The following STK40 variants were observed in gnomAD, a reference collection of about 807,000 sequenced individuals.
The protein encoded by STK40 is serine/threonine-protein kinase 40.
Under a neutral mutation model 47.9 loss-of-function variants are expected in STK40, and 13 were observed. The ratio of observed to expected loss-of-function variants is 0.27; its 90% CI spans 0.18 to 0.43. STK40 has a LOEUF of 0.43. Ranked by LOEUF, STK40 falls within the 20% of genes least tolerant of loss-of-function variation. The pLI is 1.00. For missense variants in STK40, 460 were observed against 595.1 expected (o/e 0.77, Z 2.36); for synonymous variants, 225 against 243.2 (o/e 0.93, Z 0.69).
chr1:36,373,135 G>A (rs1646964953), intron 1 of STK40, among the ~76,000 whole-genome samples: 1 of 152,100 alleles, frequency 6.6e-6, no homozygotes, highest in Non-Finnish European at 1.5e-5. Context: ...CTACCCTTCA[G>A]GGGCCTCAGT....
intron 1 of STK40, among the ~76,000 whole-genome samples, chr1:36,370,584 C>T (rs966992177): frequency 4.6e-5 from 7 of 152,168 alleles, no homozygotes; most frequent in Admixed American, 2.0e-4. Context: ...GCAGACCACC[C>T]GTGCACACTA....
intron 10 of STK40, 83 bp downstream of exon 10, chr1:36,343,281 G>T: frequency 6.9e-7 from 1 of 1,443,054 alleles, no homozygotes; most frequent in Non-Finnish European, 9.6e-7. Flanking sequence ...GCGGGTAGCT[G>T]CCACCTCTGC....
rs572043479 is a variant in STK40 at position 36,355,514 on chromosome 1, T to C, written c.343-81A>G. ...CAGGGCCTGGGACTCTCCTCTGGAG[T>C]GGGACACTCAAACCAGTGAGGGAGC... On this transcript the variant is annotated intron_variant, in intron 4 of 10. Coordinates refer to ENST00000373132, the MANE Select transcript of STK40 (RefSeq NM_001282547.2). 163 of 1,435,488 alleles carry C rather than the reference T, an allele frequency of 1.1e-4. No individual in the cohort carries two copies. In the East Asian group the frequency reaches 2.5e-3, roughly 22 times the overall value. The allele number at this position is 1,435,488 out of a possible 1,614,324, so 88.9% of individuals were successfully genotyped here. A position where few individuals can be genotyped will look rare whatever the true frequency, so the allele number is the denominator to read the frequency against.
At chr1:36,350,420 C>A (rs1266647668) in intron 6 of STK40, among the ~76,000 whole-genome samples, 1 of 152,200 alleles carries the variant, frequency 6.6e-6, no homozygotes, top group Non-Finnish European at 1.5e-5. Context: ...GTCTCTGAGG[C>A]TCAAGACGCT....
chr1:36,343,190 C>T (rs1310545124), intron 10 of STK40, 174 bp downstream of exon 10: 1 of 771,770 alleles, frequency 1.3e-6, no homozygotes. Context: ...AAGGCAGGCC[C>T]CAGGCAGCTC....
In STK40 at chr1:36,345,968, C is replaced by CATATATATATAT. The variant is rs1553135169; in HGVS notation, c.740-1716_740-1705dup. Among the ~76,000 whole-genome samples, 81 of 29,916 alleles carry CATATATATATAT rather than the reference C, an allele frequency of 2.7e-3. 3 individuals are homozygous for CATATATATATAT. Among genetic ancestry groups the CATATATATATAT allele is most frequent in the South Asian group, 5.4e-3 (3 of 558 alleles). The allele number at this position is 29,916 out of a possible 152,430, so 19.6% of individuals were successfully genotyped here. On this transcript the variant is annotated intron_variant, in intron 7 of 10. Transcript: ENST00000373132. The stretch of plus-strand genomic sequence containing the variant: ...GCCAAACACTAGGTTAAGGGCATTA[C>CATATATATATAT]ATATATATATATATATATATATATT...
intron 1 of STK40, among the ~76,000 whole-genome samples, chr1:36,378,845 C>G (rs982349101): frequency 6.6e-6 from 1 of 152,146 alleles, no homozygotes; most frequent in Non-Finnish European, 1.5e-5. Context: ...GAAACTTACC[C>G]CAAACTCAGT....
intron 1 of STK40, among the ~76,000 whole-genome samples, chr1:36,365,705 C>A (rs761820364): frequency 6.6e-6 from 1 of 152,214 alleles, no homozygotes; most frequent in Non-Finnish European, 1.5e-5. Context: ...ATCACTTCCT[C>A]AGAGAAGTCT....
intron 1 of STK40, among the ~76,000 whole-genome samples, chr1:36,365,546 C>CTT (rs1646894786): frequency 6.6e-6 from 1 of 152,248 alleles, no homozygotes; most frequent in Non-Finnish European, 1.5e-5. Context: ...GAGGCTCATG[C>CTT]TGGAAGCAGA....
intron 7 of STK40, among the ~76,000 whole-genome samples, chr1:36,345,991 A>ATATATAGATTTTTT: frequency 3.8e-5 from 1 of 26,468 alleles, no homozygotes; most frequent in Non-Finnish European, 6.9e-5. Flanking sequence ...ATATATATAT[A>ATATATAGATTTTTT]TTTTTTTTTT....
At chr1:36,353,939 A>T (rs1438504144) in intron 6 of STK40, among the ~76,000 whole-genome samples, 2 of 152,076 alleles carry the variant, frequency 1.3e-5, no homozygotes. Context: ...AAATATATAT[A>T]TTTTTGTAGA....
At chr1:36,348,510 T>A (rs1646723508) in intron 7 of STK40, among the ~76,000 whole-genome samples, 190 bp downstream of exon 7, 1 of 152,218 alleles carries the variant, frequency 6.6e-6, no homozygotes, top group African/African-American at 2.4e-5. Context: ...TAAACATGCA[T>A]TCATGTTATC....
At chr1:36,355,571 G>C in intron 4 of STK40, 138 bp from the exon 5 acceptor site, 2 of 921,592 alleles carry the variant, frequency 2.2e-6, no homozygotes, top group Non-Finnish European at 3.4e-6. Flanking sequence ...GGGCCAGAGA[G>C]GACTGAGGCC....
rs529076452 is a variant in STK40 at position 36,358,785 on chromosome 1, C to A, written c.150G>T (p.Val50=). The A allele has an allele frequency of 6.2e-7, 1 of 1,614,226 alleles. No individual in the cohort carries two copies. Among genetic ancestry groups the A allele is most frequent in the South Asian group, 1.1e-5 (1 of 91,086 alleles). ...TGCCATCTTTCCTCGCCAAACACTG[C>A]ACTATGCTTGGCACCGGTGAGTTGC... ...RLGNSPVPSI[V]QCLARKDGTD... Residue 50 remains valine, a synonymous_variant, in exon 3 of 11, where the codon GTG becomes GTT. Coordinates refer to ENST00000373132, the MANE Select transcript of STK40 (RefSeq NM_001282547.2).
intron 1 of STK40, among the ~76,000 whole-genome samples, chr1:36,365,455 G>A (rs901518835): frequency 6.6e-5 from 10 of 152,302 alleles, no homozygotes; most frequent in Non-Finnish European, 1.2e-4. Flanking sequence ...AGAATAACTA[G>A]GATTGTGTAA....
At chr1:36,385,154 A>C (rs1030082130) in intron 1 of STK40, among the ~76,000 whole-genome samples, 2 of 152,298 alleles carry the variant, frequency 1.3e-5, no homozygotes, top group African/African-American at 4.8e-5. Flanking sequence ...CGGCAGGTGA[A>C]ACACTGACCA....
intron 1 of STK40, chr1:36,372,625 C>G (rs1646959571): frequency 6.6e-6 from 1 of 152,112 alleles, no homozygotes; most frequent in East Asian, 1.9e-4. Context: ...TGCATGGTTC[C>G]AGGCATGCCA....
intron 1 of STK40, among the ~76,000 whole-genome samples, chr1:36,378,121 A>G (rs774036641): frequency 1.3e-5 from 2 of 152,230 alleles, no homozygotes; most frequent in African/African-American, 4.8e-5. Flanking sequence ...AGGGCAGGTC[A>G]GGGAGGGACC....
At chr1:36,363,301 TAAAAC>T (rs1371894436) in intron 1 of STK40, among the ~76,000 whole-genome samples, 1 of 151,990 alleles carries the variant, frequency 6.6e-6, no homozygotes, top group Non-Finnish European at 1.5e-5. Context: ...GACTCCATCT[TAAAAC>T]AAACAAAAAC....
Sources: gnomAD v4.1 joint callset for allele counts (sites outside exome capture counted in the v4.1 genomes callset) on GRCh38, gnomAD v4.1.1 for gene constraint, MANE v1.5 for transcripts, NCBI Gene and HGNC (gene_info 2026-07-23, HGNC 2026-07-21) for gene names.